MRO: variants seen among roughly 807,000 people sequenced by gnomAD.
The protein encoded by MRO is maestro, also known as protein maestro.
In MRO, 28 loss-of-function variants were observed where a neutral mutation model predicts 31.0. The ratio of observed to expected loss-of-function variants is 0.90; its 90% CI spans 0.67 to 1.24. The LOEUF (loss-of-function observed/expected upper bound fraction) is 1.24. Ranked by LOEUF, MRO falls within the 50% of genes most tolerant of loss-of-function variation. The pLI is 0.00. For synonymous variants in MRO, 108 were observed against 108.4 expected, an observed-to-expected ratio of 1.00 and a Z score of 0.02; for missense variants, 332 against 289.2, an observed-to-expected ratio of 1.15 and a Z score of -1.07.
intron 2 of MRO, among the ~76,000 whole-genome samples, chr18:50,818,890 T>C (rs937202983): frequency 7.9e-5 from 12 of 151,912 alleles, no homozygotes; most frequent in Non-Finnish European, 1.8e-4. Flanking sequence ...CCGCCTCTAC[T>C]AAAAATACAA....
chr18:50,798,494 C>G lies in MRO; in HGVS notation c.*843G>C, dbSNP rs866477813. 1 of 152,116 alleles carries G rather than the reference C, an allele frequency of 6.6e-6. No homozygotes were observed. The highest frequency in any genetic ancestry group is 1.5e-5 in the Non-Finnish European group (1 of 68,034). 9.4% of individuals were successfully genotyped at this position (152,116 alleles called of 1,614,324 possible). A position where few individuals can be genotyped will look rare whatever the true frequency, so the allele number is the denominator to read the frequency against. On this transcript the variant is annotated 3_prime_UTR_variant, in exon 8 of 8. Coordinates refer to ENST00000398439, the MANE Select transcript of MRO (RefSeq NM_031939.6). ...AGTCAGACCGTACATGTTTGAATTCCAGCTCCACTGTTTACTGAGTTATCT... is the reference window on the plus strand; with the variant it reads ...AGTCAGACCGTACATGTTTGAATTCGAGCTCCACTGTTTACTGAGTTATCT...
intron 5 of MRO, 60 bp downstream of exon 5, chr18:50,805,094 C>G: frequency 9.0e-6 from 13 of 1,444,804 alleles, no homozygotes; most frequent in Non-Finnish European, 1.2e-5. Context: ...CCCGGCCCCA[C>G]AGTCATATTT....
chr18:50,812,291 C>T (rs760475775), intron 2 of MRO, among the ~76,000 whole-genome samples: 14 of 152,086 alleles, frequency 9.2e-5, no homozygotes, highest in Non-Finnish European at 2.1e-4. Flanking sequence ...TTTTCGTGTG[C>T]TTGTTGGTGA....
rs1163805338 is a variant in MRO, at chr18:50,798,734, A to C, written c.*603T>G. ...TGAGGATTTTCAACACATGCTTTAT[A>C]GATTTTTTTCTCTCTATTAATTCTT... On this transcript the variant is annotated 3_prime_UTR_variant, in exon 8 of 8. Coordinates refer to ENST00000398439, the MANE Select transcript of MRO (RefSeq NM_031939.6). The C allele has an allele frequency of 1.3e-5, 2 of 152,276 alleles. No homozygotes were observed. The highest frequency in any genetic ancestry group is 2.9e-5 in the Non-Finnish European group (2 of 68,100). 9.4% of individuals were successfully genotyped at this position (152,276 alleles called of 1,614,324 possible).
rs1452091229 is a variant in MRO at position 50,796,416 on chromosome 18, G to T, written c.*2921C>A. ...AACAGGATAAAAAAAAAAACATAAA[G>T]CCATATACAAAAAAAAACTTTTCAG... On this transcript the variant is annotated 3_prime_UTR_variant, in exon 8 of 8. Transcript: ENST00000398439. 6.7e-6 allele frequency: 1 copy of T among 150,060 alleles called. No individual in the cohort carries two copies. Among genetic ancestry groups the T allele is most frequent in the Non-Finnish European group, 1.5e-5 (1 of 67,574 alleles). 9.3% of individuals were successfully genotyped at this position (150,060 alleles called of 1,614,324 possible).
chr18:50,795,476 C>T lies in MRO; in HGVS notation c.*3861G>A, dbSNP rs1912714177. 1 of 152,206 alleles carries T rather than the reference C, an allele frequency of 6.6e-6. No individual in the cohort carries two copies. Among genetic ancestry groups the T allele is most frequent in the Non-Finnish European group, 1.5e-5 (1 of 68,016 alleles). The allele number at this position is 152,206 out of a possible 1,614,324, so 9.4% of individuals were successfully genotyped here. ...TTCTCGCTTTCAAAACATTCTAGTGCTTTTTTATAACGTGTGAAGCGTTCC... is the reference window on the plus strand; with the variant it reads ...TTCTCGCTTTCAAAACATTCTAGTGTTTTTTTATAACGTGTGAAGCGTTCC... On this transcript the variant is annotated 3_prime_UTR_variant, in exon 8 of 8. Coordinates refer to ENST00000398439, the MANE Select transcript of MRO (RefSeq NM_031939.6).
intron 2 of MRO, among the ~76,000 whole-genome samples, chr18:50,813,740 C>T (rs1408985367): frequency 6.6e-6 from 1 of 152,158 alleles, no homozygotes; most frequent in Non-Finnish European, 1.5e-5. Flanking sequence ...AACAGAAAAC[C>T]AAGTACTGCA....
chr18:50,820,153 C>T (rs1163478478), upstream of MRO: 1 of 611,032 alleles, frequency 1.6e-6, no homozygotes, highest in East Asian at 2.8e-5. Flanking sequence ...TGCCTCCTTC[C>T]TTACATAATC....
intron 3 of MRO, 47 bp from the exon 4 acceptor site, chr18:50,806,897 A>T: frequency 6.3e-7 from 1 of 1,581,960 alleles, no homozygotes. Flanking sequence ...GTTCAGAGTC[A>T]TACCAATCCC....
upstream of MRO, chr18:50,820,104 G>T: frequency 1.3e-6 from 1 of 770,574 alleles, no homozygotes; most frequent in Non-Finnish European, 2.2e-6. Flanking sequence ...CTCAATGGAC[G>T]GGTTCCAGGC....
upstream of MRO, chr18:50,824,043 C>T (rs1915409017): frequency 6.6e-6 from 1 of 152,334 alleles, no homozygotes; most frequent in Admixed American, 6.5e-5. Context: ...CAAATTGTTT[C>T]TAAACCAGAA....
chr18:50,820,973 G>T (rs1395860131), upstream of MRO, among the ~76,000 whole-genome samples: 1 of 152,174 alleles, frequency 6.6e-6, no homozygotes, highest in Non-Finnish European at 1.5e-5. Context: ...TAAGTTACAA[G>T]GGAACCACTG....
At chr18:50,805,806 GCT>G (rs978422515) in intron 4 of MRO, among the ~76,000 whole-genome samples, 2 of 152,102 alleles carry the variant, frequency 1.3e-5, no homozygotes, top group African/African-American at 4.8e-5. Flanking sequence ...CCTTCCTGCA[GCT>G]CTGTCTCTCA....
At chr18:50,800,310 T>C (rs1913171964) in intron 6 of MRO, among the ~76,000 whole-genome samples, 167 bp from the exon 7 acceptor site, 1 of 152,212 alleles carries the variant, frequency 6.6e-6, no homozygotes, top group Admixed American at 6.5e-5. Flanking sequence ...TGTATGCTTA[T>C]AAAATGGCCA....
chr18:50,811,948 G>A (rs562438064), intron 2 of MRO, among the ~76,000 whole-genome samples: 2 of 152,018 alleles, frequency 1.3e-5, no homozygotes, highest in African/African-American at 4.8e-5. Flanking sequence ...CAGCATGTTG[G>A]CCAGGCTGGT....
chr18:50,819,870 T>G, intron 1 of MRO, 27 bp downstream of exon 1: 1 of 1,548,618 alleles, frequency 6.5e-7, no homozygotes, highest in East Asian at 2.4e-5. Flanking sequence ...AAGAATATTG[T>G]AGGGTGGCAC....
At chr18:50,818,407 C>T (rs4940025) in intron 2 of MRO, among the ~76,000 whole-genome samples, 94,057 of 151,992 alleles carry the variant, frequency 0.62, 29,284 homozygotes, top group Middle Eastern at 0.7. Flanking sequence ...TGGAACATAC[C>T]CCTGAGTGAG....
In MRO at chr18:50,798,823, A is replaced by G. The variant is rs1365128043; in HGVS notation, c.*514T>C. 6.6e-6 allele frequency: 1 copy of G among 152,352 alleles called. No homozygotes were observed. The highest frequency in any genetic ancestry group is 2.4e-5 in the African/African-American group (1 of 41,454). The allele number at this position is 152,352 out of a possible 1,614,324, so 9.4% of individuals were successfully genotyped here. ...ATGAGAAGCCAAAGATGCCCCTGCA[A>G]GCCACCTTCTTGGTATCTTGGCCAA... On this transcript the variant is annotated 3_prime_UTR_variant, in exon 8 of 8. Coordinates refer to ENST00000398439, the MANE Select transcript of MRO (RefSeq NM_031939.6).
chr18:50,824,181 T>A (rs1361965377), upstream of MRO: 3 of 152,260 alleles, frequency 2.0e-5, no homozygotes, highest in African/African-American at 7.2e-5. Context: ...ACACCTGTAA[T>A]CCAAACACTT....
Sources: gnomAD v4.1 joint callset for allele counts (sites outside exome capture counted in the v4.1 genomes callset) on GRCh38, gnomAD v4.1.1 for gene constraint, MANE v1.5 for transcripts, NCBI Gene and HGNC (gene_info 2026-07-23, HGNC 2026-07-21) for gene names.